TMEM150C: variants seen among roughly 807,000 people sequenced by gnomAD.
TMEM150C encodes the protein tentonin 3.
A neutral mutation model predicts 29.9 loss-of-function variants in TMEM150C; 10 were observed. That is an observed-to-expected ratio of 0.33 (90% CI 0.21 to 0.57). The LOEUF is 0.57. Ranked by LOEUF, TMEM150C falls within the 20% of genes least tolerant of loss-of-function variation. The pLI is 0.88. For missense variants in TMEM150C, 251 were observed against 303.6 expected (o/e 0.83, Z 1.29); for synonymous variants, 101 against 112.5 (o/e 0.90, Z 0.64).
chr4:82,524,511 GTC>G (rs780993941), intron 1 of TMEM150C, among the ~76,000 whole-genome samples: 3 of 152,094 alleles, frequency 2.0e-5, no homozygotes, highest in Non-Finnish European at 4.4e-5. Flanking sequence ...GCTTTCTTTA[GTC>G]TCTGCAGAAA....
chr4:82,536,613 A>C (rs1198716469), intron 1 of TMEM150C, among the ~76,000 whole-genome samples: 1 of 151,756 alleles, frequency 6.6e-6, no homozygotes, highest in East Asian at 1.9e-4. Flanking sequence ...ATGATGGTGC[A>C]TGCCTGTAGT....
At chr4:82,491,353 C>T in intron 6 of TMEM150C, 1 of 645,908 alleles carries the variant, frequency 1.5e-6, no homozygotes, top group Non-Finnish European at 2.8e-6. Context: ...TGAGTAGCTG[C>T]TTGGCATCCA....
In TMEM150C at chr4:82,539,607, C is replaced by T. The variant is rs539519443; in HGVS notation, c.-11+22299G>A. 7.9e-5 allele frequency among the ~76,000 whole-genome samples: 12 copies of T among 152,250 alleles called. No homozygotes were observed. The South Asian group carries it at 1.9e-3, about 24-fold the overall frequency. Reference sequence around the variant, plus strand: ...AGCTGGGACTACAGGCGCCCGCCACCACGCCCGGCTAATTTTTTGTATTTT... The same window carrying T: ...AGCTGGGACTACAGGCGCCCGCCACTACGCCCGGCTAATTTTTTGTATTTT... On this transcript the variant is annotated intron_variant, in intron 1 of 7. Transcript: ENST00000449862.
intron 1 of TMEM150C, among the ~76,000 whole-genome samples, chr4:82,558,102 C>A (rs1487638483): frequency 6.6e-6 from 1 of 152,100 alleles, no homozygotes; most frequent in Admixed American, 6.6e-5. Flanking sequence ...ATGCCAATTG[C>A]CACTTTTTTT....
At chr4:82,526,993 C>A (rs1302743533) in intron 1 of TMEM150C, among the ~76,000 whole-genome samples, 1 of 150,604 alleles carries the variant, frequency 6.6e-6, no homozygotes, top group African/African-American at 2.5e-5. Context: ...GGAAAGGTTT[C>A]CCTCACCACC....
At chr4:82,487,734 G>A (rs895151148) in intron 7 of TMEM150C, among the ~76,000 whole-genome samples, 8 of 152,032 alleles carry the variant, frequency 5.3e-5, no homozygotes, top group African/African-American at 1.9e-4. Flanking sequence ...AGGAATTTGT[G>A]AATGAAGAAA....
intron 7 of TMEM150C, among the ~76,000 whole-genome samples, chr4:82,488,328 C>T (rs1723226472): frequency 6.6e-6 from 1 of 152,208 alleles, no homozygotes; most frequent in African/African-American, 2.4e-5. Context: ...AAGAGCTGAG[C>T]CTGAGTTTAA....
At chr4:82,512,415 T>C (rs980450063) in intron 1 of TMEM150C, among the ~76,000 whole-genome samples, 9 of 152,320 alleles carry the variant, frequency 5.9e-5, no homozygotes, top group Middle Eastern at 3.4e-3. Context: ...CATTATTGCT[T>C]TATTACTGTA....
intron 1 of TMEM150C, among the ~76,000 whole-genome samples, chr4:82,539,854 C>T (rs1725141236): frequency 6.6e-6 from 1 of 152,098 alleles, no homozygotes; most frequent in South Asian, 2.1e-4. Flanking sequence ...GAACAAATCC[C>T]ACAAAACTAC....
intron 5 of TMEM150C, among the ~76,000 whole-genome samples, chr4:82,500,304 G>A (rs937454910): frequency 2.0e-5 from 3 of 152,242 alleles, no homozygotes; most frequent in African/African-American, 7.2e-5. Flanking sequence ...CTTAAAGTCA[G>A]TTATGTAGAC....
chr4:82,539,464 T>G (rs1397955838), intron 1 of TMEM150C, among the ~76,000 whole-genome samples: 1 of 152,042 alleles, frequency 6.6e-6, no homozygotes, highest in African/African-American at 2.4e-5. Flanking sequence ...AACAACTTTT[T>G]TTTTTTGAGA....
intron 1 of TMEM150C, among the ~76,000 whole-genome samples, chr4:82,538,665 A>G (rs561702899): frequency 6.6e-6 from 1 of 152,298 alleles, no homozygotes; most frequent in African/African-American, 2.4e-5. Flanking sequence ...AAAATAAACC[A>G]TTACCCCGGA....
chr4:82,518,524 C>T (rs186967684), intron 1 of TMEM150C, among the ~76,000 whole-genome samples: 12 of 152,314 alleles, frequency 7.9e-5, no homozygotes, highest in African/African-American at 2.2e-4. Flanking sequence ...CTTCTTCAGC[C>T]GCCTCTACTT....
rs58169287 is a variant in TMEM150C, at chr4:82,492,864, G to GTATATATATATATATATATA, written c.364-2646_364-2627dup. ...CATCAAACCTAGCGTATATGTTTGT[G>GTATATATATATATATATATA]TATATATATATATATATATATATAT... On this transcript the variant is annotated intron_variant, in intron 6 of 7. Transcript: ENST00000449862. 1.1e-3 allele frequency among the ~76,000 whole-genome samples: 97 copies of GTATATATATATATATATATA among 90,242 alleles called. 2 individuals are homozygous for GTATATATATATATATATATA. Among genetic ancestry groups the GTATATATATATATATATATA allele is most frequent in the Non-Finnish European group, 1.6e-3 (70 of 45,092 alleles). The allele number at this position is 90,242 out of a possible 152,430, so 59.2% of individuals were successfully genotyped here.
chr4:82,494,022 AGGG>A (rs1381186346), intron 6 of TMEM150C, among the ~76,000 whole-genome samples: 106 of 152,336 alleles, frequency 7.0e-4, no homozygotes, highest in African/African-American at 2.5e-3. Flanking sequence ...AGCAGTGCTG[AGGG>A]TAGGACAAGA....
intron 1 of TMEM150C, among the ~76,000 whole-genome samples, chr4:82,512,504 G>A (rs527768940): frequency 3.9e-5 from 6 of 152,154 alleles, no homozygotes; most frequent in South Asian, 4.2e-4. Flanking sequence ...CTTATACTTC[G>A]CAGCCTCCTT....
Position 82,483,382 on chromosome 4 carries a change from A to C in TMEM150C, c.*2129T>G, listed in dbSNP as rs1723055788. The C allele has an allele frequency of 6.6e-6, 1 of 152,238 alleles. No individual in the cohort carries two copies. Among genetic ancestry groups the C allele is most frequent in the Admixed American group, 6.5e-5 (1 of 15,294 alleles). The allele number at this position is 152,238 out of a possible 1,614,324, so 9.4% of individuals were successfully genotyped here. ...TAAAAATTTTAAAATATAAAAATGA[A>C]AAAAAGAAACCCAAAAGCAGTATTC... On this transcript the variant is annotated 3_prime_UTR_variant, in exon 8 of 8. Transcript: ENST00000449862.
Position 82,561,943 on chromosome 4 carries a change from G to T in TMEM150C, c.-48C>A, listed in dbSNP as rs923548218. ...GGCGGGGCCGCTGTCGCCTCGAGGG[G>T]CTGTGACCTGCTGCGGTGGCGGCGG... is the stretch of plus-strand genomic sequence containing the variant. On this transcript the variant is annotated 5_prime_UTR_variant, in exon 1 of 8. Coordinates refer to ENST00000449862, the MANE Select transcript of TMEM150C (RefSeq NM_001080506.3). 13 of 1,093,664 alleles carry T rather than the reference G, an allele frequency of 1.2e-5. No homozygotes were observed. Among genetic ancestry groups the T allele is most frequent in the African/African-American group, 3.5e-5 (2 of 57,774 alleles). 67.7% of individuals were successfully genotyped at this position (1,093,664 alleles called of 1,614,324 possible).
chr4:82,517,220 C>A (rs1348038141), intron 1 of TMEM150C, among the ~76,000 whole-genome samples: 3 of 152,174 alleles, frequency 2.0e-5, no homozygotes, highest in Non-Finnish European at 4.4e-5. Context: ...TCATTTCCCA[C>A]CAATGATGTC....
Sources: allele counts gnomAD v4.1 joint callset (sites outside exome capture counted in the v4.1 genomes callset), GRCh38; gene constraint gnomAD v4.1.1; transcripts MANE v1.5; gene names NCBI Gene and HGNC (gene_info 2026-07-23, HGNC 2026-07-21).